The following HLTF variants were observed in gnomAD, a reference collection of about 807,000 sequenced individuals.
HLTF encodes helicase like transcription factor.
HLTF carries 127 observed loss-of-function variants against 129.4 expected under a neutral mutation model. That is an observed-to-expected ratio of 0.98 (90% CI 0.85 to 1.14). The LOEUF (loss-of-function observed/expected upper bound fraction) is 1.14. Ranked by LOEUF, HLTF falls within the 50% of genes most tolerant of loss-of-function variation. HLTF has a pLI of 0.00. For missense variants in HLTF, 1,139 were observed against 1,187.1 expected, an observed-to-expected ratio of 0.96 and a Z score of 0.60; for synonymous variants, 332 against 388.8, an observed-to-expected ratio of 0.85 and a Z score of 1.72.
At chr3:149,054,234 A>C (rs1054882270) in intron 14 of HLTF, among the ~76,000 whole-genome samples, 2 of 152,144 alleles carry the variant, frequency 1.3e-5, no homozygotes, top group Non-Finnish European at 2.9e-5. Flanking sequence ...CACAAAGTAG[A>C]AATTAACCTC....
At chr3:149,071,974 G>A (rs1311570100) in intron 5 of HLTF, among the ~76,000 whole-genome samples, 5 of 152,076 alleles carry the variant, frequency 3.3e-5, no homozygotes, top group African/African-American at 9.7e-5. Flanking sequence ...GATCACTTCA[G>A]CCTAGTAGGT....
Position 149,060,694 on chromosome 3 carries a change from A to T in HLTF, c.1241-7T>A. 1.2e-6 allele frequency: 2 copies of T among 1,613,314 alleles called. No individual in the cohort carries two copies. The highest frequency in any genetic ancestry group is 1.7e-6 in the Non-Finnish European group (2 of 1,179,448). ...TGTACATTTTTCAGTTTGCCTAAAA[A>T]TAAAACAAAAATAAACATAAAAATG... On this transcript the variant is annotated splice_polypyrimidine_tract_variant and splice_region_variant and intron_variant, in intron 11 of 24. Transcript: ENST00000310053.
intron 23 of HLTF, among the ~76,000 whole-genome samples, chr3:149,037,689 T>G (rs1041866891): frequency 1.3e-5 from 2 of 152,172 alleles, no homozygotes; most frequent in African/African-American, 4.8e-5. Flanking sequence ...CCTACATGTA[T>G]CTCAGTAGAA....
In HLTF at chr3:149,050,250, A is replaced by G. The variant is rs765264673; in HGVS notation, c.1599T>C (p.Ile533=). 3 of 1,586,848 alleles carry G rather than the reference A, an allele frequency of 1.9e-6. No homozygotes were observed. In the East Asian group the frequency reaches 6.7e-5, roughly 36 times the overall value. Reference sequence around the variant, plus strand: ...TACTTACTCCATAGTCATGAGTTAAAATATTATACGTAGTCAAAACAATAT... The same window carrying G: ...TACTTACTCCATAGTCATGAGTTAAGATATTATACGTAGTCAAAACAATAT... ...KQDIVLTTYN[I]LTHDYGTKGD... The change falls in exon 15 of 25, where the codon ATT becomes ATC. Residue 533 remains isoleucine, a synonymous_variant. Transcript: ENST00000310053.
At chr3:149,044,637 T>A (rs1716392438) in intron 18 of HLTF, among the ~76,000 whole-genome samples, 1 of 152,160 alleles carries the variant, frequency 6.6e-6, no homozygotes, top group Non-Finnish European at 1.5e-5. Context: ...GGGCATCCTA[T>A]GATCAATGTG....
At chr3:149,060,118 T>C (rs925853572) in intron 12 of HLTF, among the ~76,000 whole-genome samples, 5 of 152,126 alleles carry the variant, frequency 3.3e-5, no homozygotes, top group Non-Finnish European at 7.4e-5. Flanking sequence ...ACAGTTTGAT[T>C]CCTAATGATA....
chr3:149,059,540 C>T (rs1192872464), intron 13 of HLTF, 178 bp downstream of exon 13: 4 of 553,074 alleles, frequency 7.2e-6, no homozygotes, highest in South Asian at 2.3e-5. Flanking sequence ...TAGGAAAATG[C>T]ACCAAAAGGA....
intron 23 of HLTF, among the ~76,000 whole-genome samples, chr3:149,035,287 A>G (rs919488652): frequency 2.0e-5 from 3 of 151,218 alleles, no homozygotes; most frequent in African/African-American, 7.3e-5. Flanking sequence ...TTTTTTTTTC[A>G]TTTTTAAAAG....
rs367887879 is a variant in HLTF at position 149,045,930 on chromosome 3, T to C, written c.2072+150A>G. On this transcript the variant is annotated intron_variant, in intron 18 of 24. Transcript: ENST00000310053. ...TTATACTATTATTTCATTCACTTTATTGATTTGTAAAAAACACTGTAATTC... is the reference window on the plus strand; with the variant it reads ...TTATACTATTATTTCATTCACTTTACTGATTTGTAAAAAACACTGTAATTC... 3.2e-4 allele frequency: 175 copies of C among 548,856 alleles called. No homozygotes were observed. In the African/African-American group the frequency reaches 3.3e-3, roughly 10 times the overall value. The allele number at this position is 548,856 out of a possible 1,614,324, so 34.0% of individuals were successfully genotyped here.
chr3:149,039,856 T>G (rs538786290), intron 21 of HLTF, among the ~76,000 whole-genome samples, 163 bp from the exon 22 acceptor site: 9 of 152,266 alleles, frequency 5.9e-5, no homozygotes, highest in African/African-American at 1.9e-4. Flanking sequence ...ACTCTAATAA[T>G]CTGAACCCAT....
chr3:149,035,022 C>A (rs1462228128), intron 23 of HLTF, 24 bp from the exon 24 acceptor site: 2 of 1,503,644 alleles, frequency 1.3e-6, no homozygotes, highest in Admixed American at 1.7e-5. Context: ...GGATGAGTTA[C>A]TTTACTACTG....
intron 22 of HLTF, 103 bp downstream of exon 22, chr3:149,039,478 G>A: frequency 3.1e-6 from 2 of 642,550 alleles, no homozygotes; most frequent in Non-Finnish European, 5.1e-6. Context: ...CAGATAAAAT[G>A]ACTAAAACTG....
At chr3:149,061,387 C>G (rs1023557757) in intron 10 of HLTF, among the ~76,000 whole-genome samples, 5 of 150,936 alleles carry the variant, frequency 3.3e-5, no homozygotes, top group African/African-American at 1.2e-4. Context: ...CACCAGCCCG[C>G]CTGACAGAGC....
chr3:149,043,273 C>G (rs1349504896), intron 18 of HLTF, among the ~76,000 whole-genome samples: 1 of 151,136 alleles, frequency 6.6e-6, no homozygotes, highest in Non-Finnish European at 1.5e-5. Flanking sequence ...AGACTAGTCA[C>G]TGATAAAAAC....
rs2806 is a variant in HLTF, at chr3:149,031,252, A to T, written c.*968T>A. The T allele has an allele frequency of 6.6e-6, 1 of 152,658 alleles. No homozygotes were observed. Among genetic ancestry groups the T allele is most frequent in the Admixed American group, 6.5e-5 (1 of 15,280 alleles). The allele number at this position is 152,658 out of a possible 1,614,324, so 9.5% of individuals were successfully genotyped here. On this transcript the variant is annotated 3_prime_UTR_variant, in exon 25 of 25. Coordinates refer to ENST00000310053, the MANE Select transcript of HLTF (RefSeq NM_003071.4). Reference sequence around the variant, plus strand: ...AAAATCAAATTCTGATTCTAAACACATAACAATTGTTTACATTCAGGATTA... The same window carrying T: ...AAAATCAAATTCTGATTCTAAACACTTAACAATTGTTTACATTCAGGATTA...
intron 13 of HLTF, among the ~76,000 whole-genome samples, chr3:149,056,014 G>C (rs1431160673): frequency 6.6e-6 from 1 of 152,222 alleles, no homozygotes; most frequent in Admixed American, 6.5e-5. Context: ...AGGATCTGAA[G>C]ACTACAGTTA....
At chr3:149,037,887 C>T (rs545480531) in intron 23 of HLTF, among the ~76,000 whole-genome samples, 2 of 152,168 alleles carry the variant, frequency 1.3e-5, no homozygotes, top group Non-Finnish European at 2.9e-5. Context: ...AAAACACGCT[C>T]CTATGTGAAT....
chr3:149,069,259 G>A (rs1302155715), intron 7 of HLTF, among the ~76,000 whole-genome samples: 2 of 152,044 alleles, frequency 1.3e-5, no homozygotes, highest in Admixed American at 1.3e-4. Flanking sequence ...ATCACCTGAG[G>A]TAGGAGTTCA....
Position 149,074,310 on chromosome 3 carries a change from G to C in HLTF, c.434C>G (p.Pro145Arg), listed in dbSNP as rs758635626. The C allele has an allele frequency of 1.9e-6, 3 of 1,613,206 alleles. No homozygotes were observed. Among genetic ancestry groups the C allele is most frequent in the East Asian group, 4.5e-5 (2 of 44,796 alleles). The change falls in exon 4 of 25, where the codon CCT becomes CGT. Residue 145 changes from proline (P) to arginine (R), a missense_variant. Physicochemically the swap from Pro to Arg is moderately radical, Grantham distance 103 (BLOSUM62 -2). Transcript: ENST00000310053. ...TTTTCCCCAAAAAGTCATATGCAGA[G>C]GCATGGTAAAAGCATTGTTTGCACC... ...PFGANNAFTMPLHMTFWGKEE... is the reference protein window; with the variant it reads ...PFGANNAFTMRLHMTFWGKEE...
Sources: allele counts gnomAD v4.1 joint callset (sites outside exome capture counted in the v4.1 genomes callset), GRCh38; gene constraint gnomAD v4.1.1; transcripts MANE v1.5; gene names NCBI Gene and HGNC (gene_info 2026-07-23, HGNC 2026-07-21).